MTMR8: variants seen among roughly 807,000 people sequenced by gnomAD.
MTMR8 encodes the protein phosphatidylinositol-3,5-bisphosphate 3-phosphatase MTMR8.
MTMR8 carries 65 observed loss-of-function variants against 39.3 expected under a neutral mutation model. The observed-to-expected ratio is 1.65, with a 90% CI of 1.35 to 2.03. MTMR8 has a LOEUF of 2.03. Ranked by LOEUF, MTMR8 falls within the 30% of genes most tolerant of loss-of-function variation. The probability of loss-of-function intolerance (pLI) is 0.00; values close to 1 mark genes in which losing one functional copy is unlikely to be tolerated. For synonymous variants in MTMR8, 245 were observed against 185.2 expected (o/e 1.32, Z -2.62); for missense variants, 777 against 538.9 (o/e 1.44, Z -4.37).
chrX:64,310,062 C>A (rs939036898), intron 12 of MTMR8, among the ~76,000 whole-genome samples: 1 of 111,288 alleles, frequency 9.0e-6, no homozygotes, highest in African/African-American at 3.3e-5. Context: ...ATGAAAGATT[C>A]CTCTGTAGCA....
intron 1 of MTMR8, among the ~76,000 whole-genome samples, chrX:64,386,391 G>A: frequency 8.9e-6 from 1 of 111,966 alleles, no homozygotes; most frequent in Non-Finnish European, 1.9e-5. Flanking sequence ...GGTGGGACAA[G>A]GCCAGAGAAG....
intron 1 of MTMR8, among the ~76,000 whole-genome samples, chrX:64,366,038 T>C (rs1281927488): frequency 8.9e-6 from 1 of 111,947 alleles, no homozygotes; most frequent in African/African-American, 3.3e-5. Flanking sequence ...GGTAAAGGGA[T>C]AAATTCAACA....
intron 12 of MTMR8, among the ~76,000 whole-genome samples, chrX:64,297,630 G>T (rs1484355637): frequency 1.1e-5 from 1 of 93,095 alleles, no homozygotes; most frequent in Non-Finnish European, 2.1e-5. Context: ...CATTGCTTTT[G>T]GTGTTTTGGA....
chrX:64,328,654 A>G (rs1170289620), intron 12 of MTMR8, 118 bp downstream of exon 12: 5 of 681,288 alleles, frequency 7.3e-6, no homozygotes, highest in Non-Finnish European at 9.9e-6. Flanking sequence ...ATATGAGGAC[A>G]GAGTATCCTA....
At chrX:64,354,674 G>A in intron 4 of MTMR8, 103 bp downstream of exon 4, 5 of 831,673 alleles carry the variant, frequency 6.0e-6, no homozygotes, top group Non-Finnish European at 8.4e-6. Flanking sequence ...GGAAAGGAGA[G>A]AGAGATTATG....
intron 12 of MTMR8, among the ~76,000 whole-genome samples, chrX:64,309,926 G>T (rs1209752722): frequency 8.9e-6 from 1 of 112,115 alleles, no homozygotes; most frequent in East Asian, 2.8e-4. Flanking sequence ...CTGGTGGGAA[G>T]TCTTGCCTCG....
At chrX:64,390,389 G>T (rs1409487374) in intron 1 of MTMR8, among the ~76,000 whole-genome samples, 2 of 111,615 alleles carry the variant, frequency 1.8e-5, no homozygotes, top group Non-Finnish European at 3.8e-5. Flanking sequence ...TACCCATCTG[G>T]CACTCCAATT....
rs368732427 is a variant in MTMR8, at chrX:64,368,292, C to T, written c.25-8765G>A. On this transcript the variant is annotated intron_variant, in intron 1 of 13. Coordinates refer to ENST00000374852, the MANE Select transcript of MTMR8 (RefSeq NM_017677.4). ...TCATACGGAATCAAAAAAGAGCCCG[C>T]ATTGCCAAGACAATCGTAAGCAGAA... 2.7e-5 allele frequency among the ~76,000 whole-genome samples: 3 copies of T among 111,827 alleles called. No individual in the cohort carries two copies. In the East Asian group the frequency reaches 8.4e-4, roughly 31 times the overall value.
chrX:64,286,220 A>C (rs1921169553), intron 12 of MTMR8, among the ~76,000 whole-genome samples: 1 of 112,384 alleles, frequency 8.9e-6, no homozygotes. Context: ...AAACTAGAAA[A>C]TCTAGAAGAA....
intron 12 of MTMR8, among the ~76,000 whole-genome samples, chrX:64,313,262 T>C (rs1922367551): frequency 8.9e-6 from 1 of 112,559 alleles, no homozygotes; most frequent in Non-Finnish European, 1.9e-5. Context: ...ATCTTCTAGA[T>C]AACTTGTGCA....
intron 1 of MTMR8, among the ~76,000 whole-genome samples, chrX:64,363,186 A>T (rs1256869891): frequency 9.0e-6 from 1 of 111,511 alleles, no homozygotes; most frequent in Non-Finnish European, 1.9e-5. Context: ...TAATAAAAAA[A>T]AATGTATTTC....
At chrX:64,280,006 C>T (rs1931967303) in intron 12 of MTMR8, among the ~76,000 whole-genome samples, 1 of 111,753 alleles carries the variant, frequency 8.9e-6, no homozygotes, top group African/African-American at 3.3e-5. Flanking sequence ...AGGAAGAAGT[C>T]GAGTTATTGA....
intron 1 of MTMR8, among the ~76,000 whole-genome samples, chrX:64,368,743 G>A (rs1229167567): frequency 8.9e-6 from 1 of 112,147 alleles, no homozygotes; most frequent in Non-Finnish European, 1.9e-5. Context: ...GGCAATGAAA[G>A]CCAAAATATA....
intron 6 of MTMR8, among the ~76,000 whole-genome samples, chrX:64,346,593 C>A (rs1192189495): frequency 9.1e-6 from 1 of 109,610 alleles, no homozygotes; most frequent in Non-Finnish European, 1.9e-5. Flanking sequence ...CCTGGGTAGG[C>A]CACCTAATGC....
intron 12 of MTMR8, among the ~76,000 whole-genome samples, chrX:64,282,747 T>A (rs1176327296): frequency 3.6e-5 from 4 of 110,691 alleles, no homozygotes; most frequent in African/African-American, 1.3e-4. Context: ...CTTTTGTGTA[T>A]CAAAATACAC....
intron 2 of MTMR8, 44 bp from the exon 3 acceptor site, chrX:64,356,382 T>C (rs373271033): frequency 9.1e-7 from 1 of 1,103,755 alleles, no homozygotes; most frequent in African/African-American, 1.8e-5. Flanking sequence ...AGATGTGCAA[T>C]ATCTCTATCA....
rs1921299878 is a variant in MTMR8 at position 64,288,880 on chromosome X, A to T, written c.1482-17807T>A. On this transcript the variant is annotated intron_variant, in intron 12 of 13. Coordinates refer to ENST00000374852, the MANE Select transcript of MTMR8 (RefSeq NM_017677.4). ...CCGGGGCCTGTTGTAGGGTGGGGGC[A>T]GGTGGGAGGGATAGCATTAGGAGAT... is the stretch of plus-strand genomic sequence containing the variant. Among the ~76,000 whole-genome samples, 3 of 109,203 alleles carry T rather than the reference A, an allele frequency of 2.7e-5. No individual in the cohort carries two copies. In the South Asian group the frequency reaches 1.2e-3, roughly 45 times the overall value. The allele number at this position is 109,203 out of a possible 115,157, so 94.8% of individuals were successfully genotyped here. A position where few individuals can be genotyped will look rare whatever the true frequency, so the allele number is the denominator to read the frequency against.
intron 12 of MTMR8, among the ~76,000 whole-genome samples, chrX:64,302,431 C>T (rs969045412): frequency 9.8e-5 from 11 of 112,108 alleles, no homozygotes; most frequent in South Asian, 7.4e-4. Context: ...GGCTCGCGGA[C>T]GGTGCGCACA....
intron 12 of MTMR8, among the ~76,000 whole-genome samples, chrX:64,301,129 G>C (rs1321938107): frequency 8.3e-5 from 9 of 108,517 alleles, no homozygotes; most frequent in Non-Finnish European, 1.7e-4. Context: ...GGCCTGCCTT[G>C]CTAGATTGGG....
Sources: gnomAD v4.1 joint callset for allele counts (sites outside exome capture counted in the v4.1 genomes callset) on GRCh38, gnomAD v4.1.1 for gene constraint, MANE v1.5 for transcripts, NCBI Gene and HGNC (gene_info 2026-07-23, HGNC 2026-07-21) for gene names.